Variants in FANK1 observed in about 807,000 individuals in gnomAD.
The protein encoded by FANK1 is fibronectin type III and ankyrin repeat domains 1.
In FANK1, 44 loss-of-function variants were observed where a neutral mutation model predicts 45.3. That is an observed-to-expected ratio of 0.97 (90% CI 0.76 to 1.25). The LOEUF (loss-of-function observed/expected upper bound fraction) is 1.25. Among genes scored for constraint, FANK1 ranks in the 50% most tolerant of loss-of-function variants. The pLI, the probability that FANK1 is intolerant of heterozygous loss-of-function variation, is 0.00. For missense variants in FANK1, 391 were observed against 424.4 expected (o/e 0.92, Z 0.69); for synonymous variants, 149 against 152.5 (o/e 0.98, Z 0.17).
intron 1 of FANK1, among the ~76,000 whole-genome samples, chr10:125,977,119 A>T (rs374740847): frequency 1.1e-4 from 16 of 152,112 alleles, no homozygotes; most frequent in African/African-American, 3.1e-4. Context: ...CTGCCTGGTT[A>T]CAAACTCTTA....
At chr10:125,992,148 T>G (rs1210875567) in intron 3 of FANK1, among the ~76,000 whole-genome samples, 1 of 152,354 alleles carries the variant, frequency 6.6e-6, no homozygotes, top group East Asian at 1.9e-4. Flanking sequence ...CACAAAGTCT[T>G]GAAGGATTCA....
chr10:125,969,861 A>G (rs953961829), intron 1 of FANK1, among the ~76,000 whole-genome samples: 1 of 152,206 alleles, frequency 6.6e-6, no homozygotes, highest in Non-Finnish European at 1.5e-5. Context: ...GCATCTGTTT[A>G]ACAAAGCACA....
rs769127253 is a variant in FANK1, at chr10:125,996,546, C to T, written c.399-4C>T. 28 of 1,613,854 alleles carry T rather than the reference C, an allele frequency of 1.7e-5. No individual in the cohort carries two copies. Among genetic ancestry groups the T allele is most frequent in the Non-Finnish European group, 2.1e-5 (25 of 1,179,956 alleles). On this transcript the variant is annotated splice_polypyrimidine_tract_variant and splice_region_variant and intron_variant, in intron 4 of 10. Transcript: ENST00000368693. Reference sequence around the variant, plus strand: ...GTTTATCTCTTTTCTCTGCTTTTCCCAAGCCGTGTTAAGGTTGATGTTCCC... The same window carrying T: ...GTTTATCTCTTTTCTCTGCTTTTCCTAAGCCGTGTTAAGGTTGATGTTCCC...
intron 1 of FANK1, among the ~76,000 whole-genome samples, chr10:125,955,446 T>A (rs761002784): frequency 1.3e-5 from 2 of 152,198 alleles, no homozygotes; most frequent in African/African-American, 2.4e-5. Context: ...TTCCTTTTTA[T>A]GGCTGCATAG....
At chr10:125,939,996 T>C (rs145732057) in intron 1 of FANK1, among the ~76,000 whole-genome samples, 1,949 of 151,960 alleles carry the variant, frequency 0.013, 40 homozygotes, top group African/African-American at 0.045. Flanking sequence ...AGTGTCATGA[T>C]CTCGGCTCAC....
chr10:125,916,531 T>G (rs1946460970), intron 1 of FANK1, among the ~76,000 whole-genome samples: 1 of 152,200 alleles, frequency 6.6e-6, no homozygotes, highest in East Asian at 1.9e-4. Flanking sequence ...ATATACCATT[T>G]GCATTATCCA....
chr10:125,955,229 C>T (rs1459974195), intron 1 of FANK1, among the ~76,000 whole-genome samples: 1 of 151,980 alleles, frequency 6.6e-6, no homozygotes, highest in Non-Finnish European at 1.5e-5. Flanking sequence ...GTCTAGCATC[C>T]ATTAGCTATT....
intron 1 of FANK1, among the ~76,000 whole-genome samples, chr10:125,970,056 CTCTT>C (rs1221684238): frequency 1.3e-5 from 2 of 152,236 alleles, no homozygotes; most frequent in South Asian, 2.1e-4. Context: ...AATCTGATCT[CTCTT>C]TCTTTTCCCC....
intron 6 of FANK1, among the ~76,000 whole-genome samples, chr10:126,003,269 AG>A (rs1952915640): frequency 6.6e-6 from 1 of 152,108 alleles, no homozygotes; most frequent in Non-Finnish European, 1.5e-5. Context: ...GACAGGCTTA[AG>A]GGCTCTATTA....
intron 1 of FANK1, among the ~76,000 whole-genome samples, chr10:125,947,670 C>T (rs1359697715): frequency 6.7e-6 from 1 of 150,164 alleles, no homozygotes; most frequent in Non-Finnish European, 1.5e-5. Flanking sequence ...TAATGGGAGA[C>T]TTTAACACCC....
intron 1 of FANK1, among the ~76,000 whole-genome samples, chr10:125,965,824 A>G (rs1338516653): frequency 6.6e-6 from 1 of 152,168 alleles, no homozygotes; most frequent in East Asian, 1.9e-4. Flanking sequence ...ACTACCTGTT[A>G]CCCATATAGA....
chr10:125,945,038 C>T (rs1314395615), intron 1 of FANK1, among the ~76,000 whole-genome samples: 1 of 152,196 alleles, frequency 6.6e-6, no homozygotes, highest in Non-Finnish European at 1.5e-5. Flanking sequence ...CAGCATAATA[C>T]TGTATGTTCC....
chr10:126,008,807 CAA>C (rs2133358843), intron 8 of FANK1, among the ~76,000 whole-genome samples: 1 of 152,304 alleles, frequency 6.6e-6, no homozygotes, highest in Non-Finnish European at 1.5e-5. Context: ...ACTGGTGAAA[CAA>C]AGAACAAGCT....
At chr10:125,991,893 G>A (rs1205513349) in intron 3 of FANK1, among the ~76,000 whole-genome samples, 1 of 152,118 alleles carries the variant, frequency 6.6e-6, no homozygotes, top group Non-Finnish European at 1.5e-5. Context: ...CATGAGCGAT[G>A]GCTTCCTCAA....
chr10:125,991,363 G>C (rs1413173290), intron 3 of FANK1, among the ~76,000 whole-genome samples: 2 of 152,008 alleles, frequency 1.3e-5, no homozygotes, highest in African/African-American at 2.4e-5. Flanking sequence ...ACCTCAGGGG[G>C]GCTGTACTGG....
chr10:125,969,962 G>T (rs1274973058), intron 1 of FANK1, among the ~76,000 whole-genome samples: 2 of 152,230 alleles, frequency 1.3e-5, no homozygotes, highest in Non-Finnish European at 2.9e-5. Context: ...TATATTAACA[G>T]CATCCCAAGG....
chr10:125,984,234 G>C (rs1476183344), intron 2 of FANK1, among the ~76,000 whole-genome samples: 1 of 152,216 alleles, frequency 6.6e-6, no homozygotes, highest in Non-Finnish European at 1.5e-5. Flanking sequence ...TCCTGCCACA[G>C]CCCAGGCCAT....
At chr10:125,899,808 C>T (rs191691519) in intron 1 of FANK1, among the ~76,000 whole-genome samples, 1 of 152,058 alleles carries the variant, frequency 6.6e-6, no homozygotes, top group African/African-American at 2.4e-5. Context: ...AACCCTGTTC[C>T]TTTTGTTACT....
At chr10:125,973,421 G>T (rs1047372607) in intron 1 of FANK1, 1 of 985,342 alleles carries the variant, frequency 1.0e-6, no homozygotes, top group East Asian at 1.1e-4. Context: ...GTGATACAAG[G>T]ACGTGAAGAT....
Sources: allele counts gnomAD v4.1 joint callset (sites outside exome capture counted in the v4.1 genomes callset), GRCh38; gene constraint gnomAD v4.1.1; transcripts MANE v1.5; gene names NCBI Gene and HGNC (gene_info 2026-07-23, HGNC 2026-07-21).